The following ADGRV1 variants were observed in gnomAD, a reference collection of about 807,000 sequenced individuals.
The protein encoded by ADGRV1 is adhesion G protein-coupled receptor V1, also known as G-protein coupled receptor 98.
Under a neutral mutation model 596.2 loss-of-function variants are expected in ADGRV1, and 359 were observed. That is an observed-to-expected ratio of 0.60 (90% CI 0.55 to 0.66). The LOEUF (loss-of-function observed/expected upper bound fraction) is 0.66, where lower values mean the gene tolerates loss of function less well. Ranked by LOEUF, ADGRV1 falls within the 30% of genes least tolerant of loss-of-function variation. ADGRV1 has a pLI of 0.00. For synonymous variants in ADGRV1, 2,681 were observed against 2,679.2 expected, an observed-to-expected ratio of 1.00 and a Z score of -0.02; for missense variants, 7,274 against 7,575.6, an observed-to-expected ratio of 0.96 and a Z score of 1.48.
chr5:90,939,138 CAAAGTT>C (rs2150851557), intron 83 of ADGRV1, among the ~76,000 whole-genome samples: 1 of 152,256 alleles, frequency 6.6e-6, no homozygotes, highest in South Asian at 2.1e-4. Flanking sequence ...GCTTTGAAAA[CAAAGTT>C]AAACTAAAGC....
At chr5:90,926,190 T>G (rs1437309062) in intron 83 of ADGRV1, among the ~76,000 whole-genome samples, 1 of 151,930 alleles carries the variant, frequency 6.6e-6, no homozygotes, top group African/African-American at 2.4e-5. Context: ...TTGATTGGAA[T>G]AGTTTCAGAA....
At chr5:91,056,798 C>T (rs1332526926) in intron 85 of ADGRV1, among the ~76,000 whole-genome samples, 1 of 152,036 alleles carries the variant, frequency 6.6e-6, no homozygotes, top group African/African-American at 2.4e-5. Flanking sequence ...CACTCCTGGG[C>T]CAAAATGCAT....
At chr5:90,645,318 A>C (rs1392751382) in intron 15 of ADGRV1, among the ~76,000 whole-genome samples, 2 of 152,198 alleles carry the variant, frequency 1.3e-5, no homozygotes, top group Non-Finnish European at 2.9e-5. Flanking sequence ...AGTGACACTT[A>C]GAACAGCTGT....
Position 90,811,305 on chromosome 5 carries a change from G to A in ADGRV1, c.16045G>A (p.Gly5349Arg), listed in dbSNP as rs750236506. 4 of 1,607,974 alleles carry A rather than the reference G, an allele frequency of 2.5e-6. No individual in the cohort carries two copies. The African/African-American group carries it at 5.4e-5, about 22-fold the overall frequency. Reference protein sequence around the residue: ...AQIVEEKDDTGFAAFAMVIIT... With the variant: ...AQIVEEKDDTRFAAFAMVIIT... Reference sequence around the variant, plus strand: ...GATTGTGGAGGAGAAGGATGATACTGGATTTGCAGCTTTTGCCATGGTTAT... The same window carrying A: ...GATTGTGGAGGAGAAGGATGATACTAGATTTGCAGCTTTTGCCATGGTTAT... The change falls in exon 74 of 90, where the codon GGA (glycine) becomes AGA (arginine). Residue 5349 changes from glycine to arginine, a missense_variant. Gly to Arg is a moderately radical substitution (Grantham distance 125). Around this residue, in one of 5 missense-constraint regions of ADGRV1, gnomAD observed 1,874 missense variants for 1,970.2 expected, o/e 0.95. Transcript: ENST00000405460.
At chr5:91,151,605 T>G (rs1053534711) in intron 88 of ADGRV1, among the ~76,000 whole-genome samples, 12 of 152,244 alleles carry the variant, frequency 7.9e-5, no homozygotes, top group African/African-American at 2.9e-4. Context: ...AAATGAATCT[T>G]AAAATTTTTT....
chr5:90,977,245 A>C (rs193164542), intron 84 of ADGRV1, among the ~76,000 whole-genome samples: 1 of 152,330 alleles, frequency 6.6e-6, no homozygotes, highest in Non-Finnish European at 1.5e-5. Context: ...TTCATGCAAT[A>C]AATGTTAAGA....
At chr5:90,924,949 T>C (rs77924279) in intron 83 of ADGRV1, among the ~76,000 whole-genome samples, 105,722 of 148,728 alleles carry the variant, frequency 0.71, 38,004 homozygotes, top group East Asian at 1. Context: ...TGTAGATATG[T>C]GGCGTTATTT....
At chr5:90,989,756 C>T (rs1780812951) in intron 85 of ADGRV1, among the ~76,000 whole-genome samples, 1 of 152,154 alleles carries the variant, frequency 6.6e-6, no homozygotes, top group Admixed American at 6.5e-5. Context: ...TCATTCTTCC[C>T]ACTCTCCTCC....
intron 83 of ADGRV1, among the ~76,000 whole-genome samples, chr5:90,883,907 T>C (rs6893164): frequency 0.23 from 35,348 of 151,978 alleles, 6,851 homozygotes; most frequent in African/African-American, 0.52. Flanking sequence ...ACAGTCGAGT[T>C]CTCTTCTCCT....
chr5:90,652,284 A>G (rs1768745979), intron 18 of ADGRV1, 62 bp from the exon 19 acceptor site: 1 of 1,179,862 alleles, frequency 8.5e-7, no homozygotes, highest in East Asian at 2.4e-5. Flanking sequence ...CCTTAATAAC[A>G]CAGGAAGCTC....
rs201761010 is a variant in ADGRV1, at chr5:90,677,293, C to T, written c.5443+1084C>T. Among the ~76,000 whole-genome samples the T allele has an allele frequency of 3.9e-5, 6 of 152,068 alleles. No individual in the cohort carries two copies. The East Asian group carries it at 1.2e-3, about 29-fold the overall frequency. On this transcript the variant is annotated intron_variant, in intron 25 of 89. Coordinates refer to ENST00000405460, the MANE Select transcript of ADGRV1 (RefSeq NM_032119.4). ...GCAAAAATTTTTCTTTCCTGTGTTC[C>T]CAAATCTCAGGTAAGAGCAAGGAGA...
chr5:90,891,914 A>AT (rs1219966682), intron 83 of ADGRV1, among the ~76,000 whole-genome samples: 1 of 152,032 alleles, frequency 6.6e-6, no homozygotes, highest in Non-Finnish European at 1.5e-5. Context: ...TGGACAAATT[A>AT]TATATGGTAT....
chr5:90,807,531 G>C (rs1280784855), intron 72 of ADGRV1, 71 bp from the exon 73 acceptor site: 11 of 1,439,716 alleles, frequency 7.6e-6, no homozygotes, highest in South Asian at 1.3e-5. Context: ...CACTACTACA[G>C]TTTTAAAAGT....
intron 87 of ADGRV1, among the ~76,000 whole-genome samples, chr5:91,148,307 C>G (rs367724925): frequency 6.6e-6 from 1 of 152,168 alleles, no homozygotes; most frequent in African/African-American, 2.4e-5. Flanking sequence ...ACCGCAGCCC[C>G]TCCCATCACA....
chr5:90,778,379 T>C (rs763039016), intron 62 of ADGRV1, 48 bp from the exon 63 acceptor site: 32 of 1,528,046 alleles, frequency 2.1e-5, no homozygotes, highest in Non-Finnish European at 2.9e-5. Context: ...GGAGTTTTTC[T>C]TGAAATTCCA....
At chr5:90,654,609 C>G (rs1215040494) in intron 20 of ADGRV1, 2 of 152,720 alleles carry the variant, frequency 1.3e-5, no homozygotes, top group Non-Finnish European at 2.9e-5. Flanking sequence ...ACCATTCCCT[C>G]TCAGCCCCTC....
rs1463364739 is a variant in ADGRV1 at position 91,150,196 on chromosome 5, A to C, written c.18599A>C (p.Gln6200Pro). Reference protein sequence around the residue: ...PAGGEISKSTQNLIGAMEEVP... With the variant: ...PAGGEISKSTPNLIGAMEEVP... ...GGAGGGGAAATCAGCAAGTCCACCC[A>C]GAATCTCATCGGTGCTATGGAGGAG... Residue 6200 changes from glutamine to proline, a missense_variant, in exon 88 of 90, where the codon CAG becomes CCG. Transcript: ENST00000405460. The C allele has an allele frequency of 6.3e-7, 1 of 1,590,390 alleles. No individual in the cohort carries two copies. Among genetic ancestry groups the C allele is most frequent in the Non-Finnish European group, 8.6e-7 (1 of 1,168,972 alleles).
intron 1 of ADGRV1, among the ~76,000 whole-genome samples, chr5:90,575,837 C>T (rs573523839): frequency 6.6e-6 from 1 of 152,262 alleles, no homozygotes; most frequent in East Asian, 1.9e-4. Flanking sequence ...AGGCACAGAA[C>T]ACCATTCTCC....
chr5:90,718,695 A>AAT (rs1283024387), intron 43 of ADGRV1, among the ~76,000 whole-genome samples: 2 of 151,882 alleles, frequency 1.3e-5, no homozygotes, highest in African/African-American at 4.8e-5. Flanking sequence ...TAAATCTTGA[A>AAT]ATATATATAT....
Sources: gnomAD v4.1 joint callset for allele counts (sites outside exome capture counted in the v4.1 genomes callset) on GRCh38, gnomAD v4.1.1 for gene constraint, gnomAD v4.1.1 regional missense constraint, MANE v1.5 for transcripts, NCBI Gene and HGNC (gene_info 2026-07-23, HGNC 2026-07-21) for gene names.